Variants in EXOC3L1 observed in about 807,000 individuals in gnomAD.
The protein encoded by EXOC3L1 is exocyst complex component 3-like protein.
A neutral mutation model predicts 83.6 loss-of-function variants in EXOC3L1; 79 were observed. That is an observed-to-expected ratio of 0.95 (90% CI 0.79 to 1.14). The LOEUF (loss-of-function observed/expected upper bound fraction) is 1.14, where lower values mean the gene tolerates loss of function less well. EXOC3L1 is among the 50% of genes most tolerant of loss of function. The probability of loss-of-function intolerance (pLI) is 0.00; values close to 1 mark genes in which losing one functional copy is unlikely to be tolerated. For missense variants in EXOC3L1, 945 were observed against 972.0 expected (o/e 0.97, Z 0.37); for synonymous variants, 433 against 451.2 (o/e 0.96, Z 0.51).
At chr16:67,186,041 A>G (rs1401359875) in intron 9 of EXOC3L1, among the ~76,000 whole-genome samples, 196 bp downstream of exon 9, 3 of 152,224 alleles carry the variant, frequency 2.0e-5, no homozygotes, top group Non-Finnish European at 2.9e-5. Context: ...CATAATACTA[A>G]TGAGAAAAGT....
At chr16:67,185,666 GC>G in intron 9 of EXOC3L1, 176 bp from the exon 10 acceptor site, 1 of 625,772 alleles carries the variant, frequency 1.6e-6, no homozygotes. Context: ...CGGGCGCTTG[GC>G]GAGCTGCAAA....
intron 6 of EXOC3L1, 57 bp downstream of exon 6, chr16:67,186,964 A>T (rs1251473176): frequency 6.2e-6 from 10 of 1,612,208 alleles, no homozygotes; most frequent in Non-Finnish European, 7.6e-6. Context: ...CACTCTGCAG[A>T]TAAAGGCCCA....
chr16:67,187,836 C>A lies in EXOC3L1; in HGVS notation c.429G>T (p.Val143=). The A allele has an allele frequency of 1.3e-6, 2 of 1,578,850 alleles. No homozygotes were observed. The highest frequency in any genetic ancestry group is 1.7e-6 in the Non-Finnish European group (2 of 1,159,460). The change falls in exon 5 of 14, where the codon GTG becomes GTT. Residue 143 remains valine (V), a splice_region_variant and synonymous_variant. Transcript: ENST00000314586. ...TCTGTGTGTGGGACACTGCAGCCGG[C>A]ACTAATGAGAGTGAAAAGGAGACGG... ...LSHLLPRLRA[V]PAAVSHTQTL... is the part of the protein sequence containing the mutation.
chr16:67,189,401 C>T (rs1413703874), intron 2 of EXOC3L1, among the ~76,000 whole-genome samples: 2 of 152,174 alleles, frequency 1.3e-5, no homozygotes, highest in South Asian at 2.1e-4. Context: ...CTCAGTCTCC[C>T]GAGGAGCTGG....
chr16:67,189,883 G>C, intron 1 of EXOC3L1, 88 bp downstream of exon 1: 1 of 601,198 alleles, frequency 1.7e-6, no homozygotes, highest in Non-Finnish European at 3.0e-6. Context: ...TGCCCCTGCA[G>C]ATGTCAAGCG....
At chr16:67,185,521 C>G in intron 9 of EXOC3L1, 31 bp from the exon 10 acceptor site, 1 of 1,592,684 alleles carries the variant, frequency 6.3e-7, no homozygotes, top group Non-Finnish European at 8.5e-7. Flanking sequence ...GCTTCAGGAC[C>G]AAGGCCAAGG....
Position 67,186,129 on chromosome 16 carries a change from C to T in EXOC3L1, c.1496+108G>A, listed in dbSNP as rs147950366. On this transcript the variant is annotated intron_variant, in intron 9 of 13. Coordinates refer to ENST00000314586, the MANE Select transcript of EXOC3L1 (RefSeq NM_178516.4). The stretch of plus-strand genomic sequence containing the variant: ...CAGAACTAGAATTGGAACCCCAGGG[C>T]GATGTGAGTCCAAAGTCCCTAGTGT... 1.9e-4 allele frequency: 145 copies of T among 750,738 alleles called. 2 individuals are homozygous for T. In the East Asian group the frequency reaches 3.5e-3, roughly 18 times the overall value. 46.5% of individuals were successfully genotyped at this position (750,738 alleles called of 1,614,324 possible). A position where few individuals can be genotyped will look rare whatever the true frequency, so the allele number is the denominator to read the frequency against.
At chr16:67,189,562 C>G in intron 2 of EXOC3L1, 69 bp downstream of exon 2, 1 of 1,577,256 alleles carries the variant, frequency 6.3e-7, no homozygotes, top group South Asian at 1.1e-5. Context: ...CAGGCGTGAG[C>G]CACTGCGCCC....
In EXOC3L1 at chr16:67,184,532, G is replaced by C. The variant is rs1481383587; in HGVS notation, c.2103C>G (p.Ser701Arg). The C allele has an allele frequency of 4.6e-6, 7 of 1,525,370 alleles. No homozygotes were observed. In the South Asian group the frequency reaches 8.4e-5, roughly 18 times the overall value. 94.5% of individuals were successfully genotyped at this position (1,525,370 alleles called of 1,614,324 possible). A position where few individuals can be genotyped will look rare whatever the true frequency, so the allele number is the denominator to read the frequency against. The change falls in exon 14 of 14, where the codon AGC (serine) becomes AGG (arginine). Residue 701 changes from serine (S) to arginine (R), a missense_variant. Ser to Arg is a moderately radical substitution (Grantham distance 110, BLOSUM62 -1). Transcript: ENST00000314586. ...LSREQHLAAL[S>R]SLQAALPPSP... is the part of the protein sequence containing the mutation. ...ACGGCGGCAGCGCAGCCTGCAGGGA[G>C]CTGAGCGCGGCCAGGTGCTGCTCCC... is the stretch of plus-strand genomic sequence containing the variant.
intron 3 of EXOC3L1, 34 bp from the exon 4 acceptor site, chr16:67,188,974 C>G: frequency 6.2e-7 from 1 of 1,606,352 alleles, no homozygotes; most frequent in Non-Finnish European, 8.5e-7. Context: ...GCTGGGCCAG[C>G]CCTGCAGCAC....
At position 67,189,155 on chromosome 16, in the gene EXOC3L1, C is replaced by G. The variant is rs1201263149; in HGVS notation, c.72G>C (p.Arg24=). 3 of 1,606,012 alleles carry G rather than the reference C, an allele frequency of 1.9e-6. No homozygotes were observed. The highest frequency in any genetic ancestry group is 2.5e-6 in the Non-Finnish European group (3 of 1,179,124). Residue 24 remains arginine, a synonymous_variant, in exon 3 of 14, where the codon CGG becomes CGC. Transcript: ENST00000314586. ...CTGCACCCCGGGCCAGCTGCTCTGCCCGCTCCTGCTCTGGCCACTCAGGTC... is the reference window on the plus strand; with the variant it reads ...CTGCACCCCGGGCCAGCTGCTCTGCGCGCTCCTGCTCTGGCCACTCAGGTC... ...SPGPEWPEQE[R]AEQLARGAAL... is the part of the protein sequence containing the mutation.
intron 4 of EXOC3L1, 142 bp downstream of exon 4, chr16:67,188,578 TG>T: frequency 1.3e-6 from 1 of 764,686 alleles, no homozygotes; most frequent in Non-Finnish European, 2.1e-6. Flanking sequence ...TCATAGGCCA[TG>T]GGAAGCCCGG....
chr16:67,186,899 C>T lies in EXOC3L1; in HGVS notation c.1159-15G>A, dbSNP rs576043467. On this transcript the variant is annotated splice_polypyrimidine_tract_variant and intron_variant, in intron 6 of 13. Transcript: ENST00000314586. The stretch of plus-strand genomic sequence containing the variant: ...GACACACTTGCCTGGGGGGAGGGGC[C>T]AGGGGCAAAGGAATGTAGCAGGGAT... The T allele has an allele frequency of 1.7e-5, 27 of 1,613,414 alleles. No individual in the cohort carries two copies. The South Asian group carries it at 2.6e-4, about 16-fold the overall frequency.
rs762522248 is a variant in EXOC3L1, at chr16:67,184,949, G to A, written c.1858C>T (p.Arg620Cys). Residue 620 changes from arginine to cysteine, a missense_variant, in exon 12 of 14, where the codon CGC becomes TGC. Physicochemically the swap from Arg to Cys is radical, Grantham distance 180 (BLOSUM62 -3). Transcript: ENST00000314586. ...AGCTGGGCAGCATCGTGCCGCAGGC[G>A]CTCGGCCGCCTGGGTCCTCTCGTCG... Reference protein sequence around the residue: ...GADERTQAAERLRHDAAQLQQ... With the variant: ...GADERTQAAECLRHDAAQLQQ... The A allele has an allele frequency of 9.9e-6, 16 of 1,610,976 alleles. No homozygotes were observed. Among genetic ancestry groups the A allele is most frequent in the Non-Finnish European group, 1.3e-5 (15 of 1,179,330 alleles).
At chr16:67,185,793 TA>T in intron 9 of EXOC3L1, 1 of 515,106 alleles carries the variant, frequency 1.9e-6, no homozygotes, top group Non-Finnish European at 3.5e-6. Context: ...GAGGAGGGAG[TA>T]AAAAATCATC....
In EXOC3L1 at chr16:67,185,446, G is replaced by T. The variant is rs142958191; in HGVS notation, c.1541C>A (p.Ala514Asp). 4.0e-4 allele frequency: 643 copies of T among 1,610,810 alleles called. 4 individuals carry two copies. Among genetic ancestry groups the T allele is most frequent in the Non-Finnish European group, 7.8e-5 (92 of 1,179,944 alleles). ...VLQLDGAPSG[A>D]LAPVEAALDE... ...CAGCGCAGCTTCCACTGGAGCCAAGGCCCCTGAAGGCGCCCCGTCCAGCTG... is the reference window on the plus strand; with the variant it reads ...CAGCGCAGCTTCCACTGGAGCCAAGTCCCCTGAAGGCGCCCCGTCCAGCTG... Residue 514 changes from alanine to aspartate, a missense_variant, in exon 10 of 14, where the codon GCC (alanine) becomes GAC (aspartate). Transcript: ENST00000314586.
chr16:67,185,520 C>G, intron 9 of EXOC3L1, 30 bp from the exon 10 acceptor site: 1 of 1,593,488 alleles, frequency 6.3e-7, no homozygotes, highest in Non-Finnish European at 8.5e-7. Context: ...GGCTTCAGGA[C>G]CAAGGCCAAG....
At position 67,184,667 on chromosome 16, in the gene EXOC3L1, T is replaced by C; in HGVS notation, c.2030+19A>G. On this transcript the variant is annotated intron_variant, in intron 13 of 13. Coordinates refer to ENST00000314586, the MANE Select transcript of EXOC3L1 (RefSeq NM_178516.4). ...CCCCGCCCTCCGGCTTCTCTTCCCT[T>C]CTGGCCCCCAGTCCGCACCTCACGT... 1 of 1,579,264 alleles carries C rather than the reference T, an allele frequency of 6.3e-7. No homozygotes were observed. Among genetic ancestry groups the C allele is most frequent in the Non-Finnish European group, 8.6e-7 (1 of 1,166,736 alleles).
intron 9 of EXOC3L1, among the ~76,000 whole-genome samples, chr16:67,185,829 A>G (rs2032697326): frequency 6.6e-6 from 1 of 152,198 alleles, no homozygotes; most frequent in Non-Finnish European, 1.5e-5. Flanking sequence ...CCCCCACCAA[A>G]AAGAACATAC....
Sources: gnomAD v4.1 joint callset for allele counts (sites outside exome capture counted in the v4.1 genomes callset) on GRCh38, gnomAD v4.1.1 for gene constraint, MANE v1.5 for transcripts, NCBI Gene and HGNC (gene_info 2026-07-23, HGNC 2026-07-21) for gene names.